Variants in NTM observed in about 807,000 individuals in gnomAD.
NTM encodes neurotrimin.
NTM carries 13 observed loss-of-function variants against 42.1 expected under a neutral mutation model. That is an observed-to-expected ratio of 0.31 (90% CI 0.20 to 0.49). NTM has a LOEUF of 0.49. NTM is among the 20% of genes least tolerant of loss of function. The pLI, the probability that NTM is intolerant of heterozygous loss-of-function variation, is 0.99. For missense variants in NTM, 373 were observed against 452.8 expected, an observed-to-expected ratio of 0.82 and a Z score of 1.60; for synonymous variants, 187 against 179.2, an observed-to-expected ratio of 1.04 and a Z score of -0.35.
rs546969822 is a variant in NTM at position 132,217,561 on chromosome 11, C to T, written c.526+5414C>T. On this transcript the variant is annotated intron_variant, in intron 4 of 8. Transcript: ENST00000683400. ...CCCTGGGGGCAGAATTAGAGCAGAGCCTTCTGTCTGTTGGATTCCAAGCCA... is the reference window on the plus strand; with the variant it reads ...CCCTGGGGGCAGAATTAGAGCAGAGTCTTCTGTCTGTTGGATTCCAAGCCA... 2.0e-5 allele frequency among the ~76,000 whole-genome samples: 3 copies of T among 152,168 alleles called. No homozygotes were observed. In the East Asian group the frequency reaches 5.8e-4, roughly 30 times the overall value.
chr11:131,425,502 G>C (rs555776198), intron 1 of NTM, among the ~76,000 whole-genome samples: 16 of 152,242 alleles, frequency 1.1e-4, no homozygotes, highest in Admixed American at 8.5e-4. Flanking sequence ...AAGTCCAAAG[G>C]CTTCCCTGAA....
chr11:131,460,713 T>C (rs59433631), intron 1 of NTM, among the ~76,000 whole-genome samples: 9,253 of 152,146 alleles, frequency 0.061, 653 homozygotes, highest in East Asian at 0.22. Context: ...CCACCACGCC[T>C]GGCTAATTCT....
At chr11:132,325,308 T>A (rs922459780) in intron 7 of NTM, among the ~76,000 whole-genome samples, 29 of 150,730 alleles carry the variant, frequency 1.9e-4, no homozygotes, top group African/African-American at 7.0e-4. Flanking sequence ...TACAATGAAC[T>A]CAAACAAATT....
chr11:132,292,602 C>G (rs971369210), intron 4 of NTM, among the ~76,000 whole-genome samples: 2 of 151,216 alleles, frequency 1.3e-5, no homozygotes, highest in African/African-American at 4.9e-5. Flanking sequence ...TACGGAGAAG[C>G]CAGTTTGTTT....
Position 131,651,592 on chromosome 11 carries a change from A to T in NTM, c.83-259972A>T, listed in dbSNP as rs533689550. Reference sequence around the variant, plus strand: ...CACAGTGTCTCACGCCTGTAATCCCAGCATTTTGAGAGACCGAGGCAGGTG... The same window carrying T: ...CACAGTGTCTCACGCCTGTAATCCCTGCATTTTGAGAGACCGAGGCAGGTG... On this transcript the variant is annotated intron_variant, in intron 1 of 8. Coordinates refer to ENST00000683400, the MANE Select transcript of NTM (RefSeq NM_001352005.2). Among the ~76,000 whole-genome samples, 10 of 152,318 alleles carry T rather than the reference A, an allele frequency of 6.6e-5. No homozygotes were observed. The South Asian group carries it at 2.1e-3, about 32-fold the overall frequency.
At chr11:131,393,642 ACTT>A (rs1437181447) in intron 1 of NTM, among the ~76,000 whole-genome samples, 1 of 152,118 alleles carries the variant, frequency 6.6e-6, no homozygotes, top group African/African-American at 2.4e-5. Context: ...GAGGGCCTGT[ACTT>A]CTTCCCAACA....
At chr11:132,310,367 T>C (rs1260636941) in intron 6 of NTM, 135 bp downstream of exon 6, 1 of 777,708 alleles carries the variant, frequency 1.3e-6, no homozygotes, top group African/African-American at 1.8e-5. Context: ...GGGGCAAATG[T>C]GCAAAGAAGT....
chr11:131,977,112 T>C (rs1158028222), intron 2 of NTM, among the ~76,000 whole-genome samples: 1 of 152,248 alleles, frequency 6.6e-6, no homozygotes, highest in Non-Finnish European at 1.5e-5. Flanking sequence ...ATTTGGCTTA[T>C]CACACACTGA....
intron 1 of NTM, among the ~76,000 whole-genome samples, chr11:131,573,908 G>A (rs979545077): frequency 2.6e-5 from 4 of 152,186 alleles, no homozygotes; most frequent in Non-Finnish European, 4.4e-5. Flanking sequence ...ATCTCCAGGA[G>A]TTTCTTCTTT....
chr11:131,890,122 C>T (rs554617829), intron 1 of NTM, among the ~76,000 whole-genome samples: 1 of 150,056 alleles, frequency 6.7e-6, no homozygotes, highest in African/African-American at 2.5e-5. Context: ...ACAGCACACA[C>T]AGGCCCTCTC....
chr11:132,029,761 A>G (rs2135634307), intron 2 of NTM, among the ~76,000 whole-genome samples: 1 of 152,274 alleles, frequency 6.6e-6, no homozygotes, highest in South Asian at 2.1e-4. Context: ...TTGAAGGAAA[A>G]ATAAGAAAAG....
At chr11:132,269,728 A>G (rs1433767566) in intron 4 of NTM, among the ~76,000 whole-genome samples, 2 of 152,238 alleles carry the variant, frequency 1.3e-5, no homozygotes, top group African/African-American at 4.8e-5. Flanking sequence ...GAGAAAGCAC[A>G]GTCATTGTTG....
chr11:131,753,975 C>T (rs535151194), intron 1 of NTM, among the ~76,000 whole-genome samples: 2 of 149,838 alleles, frequency 1.3e-5, no homozygotes, highest in East Asian at 3.9e-4. Flanking sequence ...AGTTCTTGTC[C>T]TTTGTAGTGA....
At chr11:131,442,826 TATATACAC>T in intron 1 of NTM, among the ~76,000 whole-genome samples, 1 of 152,112 alleles carries the variant, frequency 6.6e-6, no homozygotes, top group East Asian at 1.9e-4. Context: ...TGTATATATA[TATATACAC>T]ACACAGACAC....
intron 1 of NTM, among the ~76,000 whole-genome samples, chr11:131,890,137 C>CCTCT (rs1161931332): frequency 7.6e-4 from 83 of 108,730 alleles, no homozygotes; most frequent in African/African-American, 3.3e-3. Context: ...CCTCTCTCTC[C>CCTCT]CTCTCTCTCT....
chr11:131,951,106 G>A (rs574322), intron 2 of NTM, among the ~76,000 whole-genome samples: 19,393 of 152,158 alleles, frequency 0.13, 1,635 homozygotes, highest in East Asian at 0.26. Context: ...CTTTAGTAAT[G>A]GGCCAGCATC....
chr11:132,085,899 C>A (rs970256261), intron 2 of NTM, among the ~76,000 whole-genome samples: 4 of 152,062 alleles, frequency 2.6e-5, no homozygotes, highest in African/African-American at 9.7e-5. Flanking sequence ...TTATCTGCCT[C>A]TATTTTCTGG....
chr11:132,132,161 C>T (rs1443233972), intron 2 of NTM, among the ~76,000 whole-genome samples: 1 of 152,124 alleles, frequency 6.6e-6, no homozygotes, highest in Non-Finnish European at 1.5e-5. Flanking sequence ...CACTGCCCCG[C>T]CCCCATCTGC....
At chr11:132,129,348 T>C (rs2066421056) in intron 2 of NTM, among the ~76,000 whole-genome samples, 1 of 152,188 alleles carries the variant, frequency 6.6e-6, no homozygotes, top group Non-Finnish European at 1.5e-5. Flanking sequence ...CATATATTGA[T>C]TCAGAGTCTC....
Sources: allele counts gnomAD v4.1 joint callset (sites outside exome capture counted in the v4.1 genomes callset), GRCh38; gene constraint gnomAD v4.1.1; transcripts MANE v1.5; gene names NCBI Gene and HGNC (gene_info 2026-07-23, HGNC 2026-07-21).